Variants in ZNF585B observed in about 807,000 individuals in gnomAD.
ZNF585B encodes the protein zinc finger protein 41-like protein.
ZNF585B carries 7 observed loss-of-function variants against 14.0 expected under a neutral mutation model. The ratio of observed to expected loss-of-function variants is 0.50; its 90% CI spans 0.28 to 0.94. The LOEUF (loss-of-function observed/expected upper bound fraction) is 0.94. Ranked by LOEUF, ZNF585B falls within the 40% of genes least tolerant of loss-of-function variation. The probability of loss-of-function intolerance (pLI) is 0.09; values close to 1 mark genes in which losing one functional copy is unlikely to be tolerated. For missense variants in ZNF585B, 750 were observed against 924.4 expected, an observed-to-expected ratio of 0.81 and a Z score of 2.45; for synonymous variants, 290 against 317.3, an observed-to-expected ratio of 0.91 and a Z score of 0.91.
chr19:37,189,877 A>G (rs1419587868), intron 3 of ZNF585B, 124 bp from the exon 4 acceptor site: 4 of 1,562,122 alleles, frequency 2.6e-6, no homozygotes, highest in Admixed American at 1.9e-5. Flanking sequence ...TCTGAGTAAT[A>G]TTCTGAGTAC....
rs537023143 is a variant in ZNF585B at position 37,188,411 on chromosome 19, G to A, written c.293-1167C>T. On this transcript the variant is annotated intron_variant, in intron 4 of 4. Transcript: ENST00000532828. Reference sequence around the variant, plus strand: ...TGAGGCAAGAGAATCGCTTGAACCCGGGAGGCGGAGGTTGCAGTGAGCCGA... The same window carrying A: ...TGAGGCAAGAGAATCGCTTGAACCCAGGAGGCGGAGGTTGCAGTGAGCCGA... 1.2e-3 allele frequency among the ~76,000 whole-genome samples: 189 copies of A among 152,274 alleles called. 1 individual carries two copies. The highest frequency in any genetic ancestry group is 4.3e-3 in the African/African-American group (178 of 41,554).
In ZNF585B at chr19:37,186,311, G is replaced by A. The variant is rs368332359; in HGVS notation, c.1226C>T (p.Ser409Leu). 27 of 1,613,816 alleles carry A rather than the reference G, an allele frequency of 1.7e-5. No homozygotes were observed. Among genetic ancestry groups the A allele is most frequent in the South Asian group, 2.2e-5 (2 of 91,066 alleles). ...VHQRIHTGEK[S>L]YICMKCGLAF... The stretch of plus-strand genomic sequence containing the variant: ...CAGTCCACATTTCATGCATATATAC[G>A]ATTTTTCTCCTGTATGAATTCTCTG... Residue 409 changes from serine to leucine, a missense_variant, in exon 5 of 5, where the codon TCG becomes TTG. By Grantham distance (145) the Ser-to-Leu change is moderately radical. Transcript: ENST00000532828.
chr19:37,210,250 C>T (rs1050220814), intron 1 of ZNF585B, among the ~76,000 whole-genome samples, 191 bp downstream of exon 1: 1 of 152,056 alleles, frequency 6.6e-6, no homozygotes, highest in African/African-American at 2.4e-5. Context: ...TGACCACAGA[C>T]TCCCGTCACT....
rs772270954 is a variant in ZNF585B, at chr19:37,184,842, T to C, written c.*385A>G. The C allele has an allele frequency of 4.7e-6, 2 of 422,408 alleles. No individual in the cohort carries two copies. Among genetic ancestry groups the C allele is most frequent in the Non-Finnish European group, 8.4e-6 (2 of 239,028 alleles). 26.2% of individuals were successfully genotyped at this position (422,408 alleles called of 1,614,324 possible). A position where few individuals can be genotyped will look rare whatever the true frequency, so the allele number is the denominator to read the frequency against. On this transcript the variant is annotated 3_prime_UTR_variant, in exon 5 of 5. Transcript: ENST00000532828. ...GGATTCATCACTATCATATATATTA[T>C]GTTGTCTTACCATTCAAACTGTTGG...
chr19:37,199,095 A>G (rs1361921509), intron 2 of ZNF585B: 3 of 1,173,172 alleles, frequency 2.6e-6, no homozygotes, highest in East Asian at 5.3e-5. Flanking sequence ...TCTTTATCAT[A>G]CACTTGTATA....
rs1252310918 is a variant in ZNF585B at position 37,182,179 on chromosome 19, T to C, written c.*3048A>G. On this transcript the variant is annotated 3_prime_UTR_variant, in exon 5 of 5. Transcript: ENST00000532828. ...AACTAGTCTTTTATATAAATGGGCA[T>C]ACATATACATATATATGTCAGCACT... 3 of 152,346 alleles carry C rather than the reference T, an allele frequency of 2.0e-5. No homozygotes were observed. The highest frequency in any genetic ancestry group is 7.2e-5 in the African/African-American group (3 of 41,582). 9.4% of individuals were successfully genotyped at this position (152,346 alleles called of 1,614,324 possible).
chr19:37,205,791 C>T (rs761677604), intron 2 of ZNF585B, among the ~76,000 whole-genome samples: 1 of 151,968 alleles, frequency 6.6e-6, no homozygotes, highest in Non-Finnish European at 1.5e-5. Flanking sequence ...AATAACAATA[C>T]ACCCAGGCCG....
chr19:37,204,953 G>T (rs1972570662), intron 2 of ZNF585B, among the ~76,000 whole-genome samples: 1 of 152,072 alleles, frequency 6.6e-6, no homozygotes, highest in Non-Finnish European at 1.5e-5. Context: ...TCACCATGTT[G>T]GCTAGGCTGG....
At chr19:37,191,761 C>T (rs1233089302) in intron 2 of ZNF585B, among the ~76,000 whole-genome samples, 2 of 152,034 alleles carry the variant, frequency 1.3e-5, no homozygotes, top group African/African-American at 2.4e-5. Flanking sequence ...TGGCTGGGCC[C>T]GGTGGCTCAT....
intron 2 of ZNF585B, among the ~76,000 whole-genome samples, chr19:37,198,048 A>G (rs1972488178): frequency 6.6e-6 from 1 of 152,104 alleles, no homozygotes; most frequent in Non-Finnish European, 1.5e-5. Flanking sequence ...AAATGACTTA[A>G]ATTTTGTATA....
Position 37,190,070 on chromosome 19 carries a change from C to T in ZNF585B, c.153G>A (p.Leu51=), listed in dbSNP as rs772417541. The change falls in exon 3 of 5, where the codon CTG becomes CTA. Residue 51 remains leucine, a synonymous_variant. Coordinates refer to ENST00000532828, the MANE Select transcript of ZNF585B (RefSeq NM_152279.4). The part of the protein sequence containing the change: ...WRHLDLSQRN[L]YRDVMLETYS... ...AGGTCTCCAGCATCACATCCCGGTACAGGTTTCTCTGAGAAAGGTCCAGGT... is the reference window on the plus strand; with the variant it reads ...AGGTCTCCAGCATCACATCCCGGTATAGGTTTCTCTGAGAAAGGTCCAGGT... The T allele has an allele frequency of 3.7e-6, 6 of 1,614,120 alleles. No individual in the cohort carries two copies. In the East Asian group the frequency reaches 1.3e-4, roughly 36 times the overall value.
chr19:37,181,718 A>G lies in ZNF585B; in HGVS notation c.*3509T>C, dbSNP rs1972268943. Reference sequence around the variant, plus strand: ...TGAGAAAAAAAAAAAAAAAAGAGCTAGCAAGCTACGAAAAGACATGGAAGA... The same window carrying G: ...TGAGAAAAAAAAAAAAAAAAGAGCTGGCAAGCTACGAAAAGACATGGAAGA... On this transcript the variant is annotated 3_prime_UTR_variant, in exon 5 of 5. Transcript: ENST00000532828. The G allele has an allele frequency of 6.6e-6, 1 of 151,682 alleles. No individual in the cohort carries two copies. Among genetic ancestry groups the G allele is most frequent in the Non-Finnish European group, 1.5e-5 (1 of 67,922 alleles). The allele number at this position is 151,682 out of a possible 1,614,324, so 9.4% of individuals were successfully genotyped here.
rs1972313686 is a variant in ZNF585B, at chr19:37,184,805, C to A, written c.*422G>T. Reference sequence around the variant, plus strand: ...ACTAGACAGTGTGTTCTGGAACAAACAACTCACAGAAGGATTCATCACTAT... The same window carrying A: ...ACTAGACAGTGTGTTCTGGAACAAAAAACTCACAGAAGGATTCATCACTAT... On this transcript the variant is annotated 3_prime_UTR_variant, in exon 5 of 5. Transcript: ENST00000532828. 2 of 405,452 alleles carry A rather than the reference C, an allele frequency of 4.9e-6. No homozygotes were observed. The highest frequency in any genetic ancestry group is 4.1e-5 in the African/African-American group (2 of 48,636). 25.1% of individuals were successfully genotyped at this position (405,452 alleles called of 1,614,324 possible).
At chr19:37,202,673 G>T (rs35065888) in intron 2 of ZNF585B, among the ~76,000 whole-genome samples, 1 of 135,112 alleles carries the variant, frequency 7.4e-6, no homozygotes, top group African/African-American at 2.7e-5. Context: ...ATGGAGTTTC[G>T]CGCTTGTTTT....
chr19:37,192,714 G>C (rs1316008630), intron 2 of ZNF585B, among the ~76,000 whole-genome samples: 1 of 151,918 alleles, frequency 6.6e-6, no homozygotes, highest in Non-Finnish European at 1.5e-5. Context: ...CAAGGCAGAG[G>C]TAGGAGAATC....
chr19:37,203,308 G>C (rs528226288), intron 2 of ZNF585B, among the ~76,000 whole-genome samples: 1 of 151,478 alleles, frequency 6.6e-6, no homozygotes, highest in Admixed American at 6.6e-5. Flanking sequence ...TTTACCACAC[G>C]AACTTTAAAA....
Position 37,183,254 on chromosome 19 carries a change from G to C in ZNF585B, c.*1973C>G, listed in dbSNP as rs967512861. ...AGGGTTGAGAAGGGATACAGCCCAG[G>C]TACAGACTAGAGGTGAAAAAGCCTG... On this transcript the variant is annotated 3_prime_UTR_variant, in exon 5 of 5. Transcript: ENST00000532828. 1 of 152,112 alleles carries C rather than the reference G, an allele frequency of 6.6e-6. No homozygotes were observed. The highest frequency in any genetic ancestry group is 2.4e-5 in the African/African-American group (1 of 41,402). The allele number at this position is 152,112 out of a possible 1,614,324, so 9.4% of individuals were successfully genotyped here.
intron 2 of ZNF585B, among the ~76,000 whole-genome samples, chr19:37,200,118 A>G (rs1972515161): frequency 6.8e-6 from 1 of 146,440 alleles, no homozygotes; most frequent in Admixed American, 6.7e-5. Context: ...AGGAAGAAAT[A>G]GTGGAAAAAC....
intron 2 of ZNF585B, among the ~76,000 whole-genome samples, chr19:37,190,660 G>C (rs941965461): frequency 6.6e-6 from 1 of 151,082 alleles, no homozygotes; most frequent in African/African-American, 2.4e-5. Flanking sequence ...CCACCTCCCA[G>C]GTTCAAGCAA....
Sources: allele counts gnomAD v4.1 joint callset (sites outside exome capture counted in the v4.1 genomes callset), GRCh38; gene constraint gnomAD v4.1.1; transcripts MANE v1.5; gene names NCBI Gene and HGNC (gene_info 2026-07-23, HGNC 2026-07-21).